The following SWT1 variants were observed in gnomAD, a reference collection of about 807,000 sequenced individuals.
SWT1 encodes the protein SWT1 RNA endoribonuclease homolog, also known as transcriptional protein SWT1.
A neutral mutation model predicts 107.3 loss-of-function variants in SWT1; 33 were observed. That is an observed-to-expected ratio of 0.31 (90% CI 0.23 to 0.41). The LOEUF (loss-of-function observed/expected upper bound fraction) is 0.41, where lower values mean the gene tolerates loss of function less well. Ranked by LOEUF, SWT1 falls within the 10% of genes least tolerant of loss-of-function variation. SWT1 has a pLI of 1.00. For missense variants in SWT1, 898 were observed against 1,028.9 expected (o/e 0.87, Z 1.74); for synonymous variants, 345 against 348.3 (o/e 0.99, Z 0.11).
intron 10 of SWT1, among the ~76,000 whole-genome samples, chr1:185,194,534 G>A (rs1657225717): frequency 6.6e-6 from 1 of 151,138 alleles, no homozygotes; most frequent in South Asian, 2.1e-4. Context: ...TAAGGATATT[G>A]CTGTTGTATA....
Position 185,217,722 on chromosome 1 carries a change from A to G in SWT1, c.2121+3067A>G, listed in dbSNP as rs548682933. Reference sequence around the variant, plus strand: ...GTGATTCTCCTGCCTCAGCCTCCCAAGTAGCTGGGATTACAGGCACGTCCT... The same window carrying G: ...GTGATTCTCCTGCCTCAGCCTCCCAGGTAGCTGGGATTACAGGCACGTCCT... On this transcript the variant is annotated intron_variant, in intron 14 of 18. Transcript: ENST00000367500. Among the ~76,000 whole-genome samples the G allele has an allele frequency of 1.2e-4, 19 of 152,088 alleles. 1 individual carries two copies. The highest frequency in any genetic ancestry group is 9.8e-4 in the Admixed American group (15 of 15,280).
intron 14 of SWT1, among the ~76,000 whole-genome samples, chr1:185,217,482 C>G (rs889267382): frequency 6.6e-6 from 1 of 152,116 alleles, no homozygotes; most frequent in African/African-American, 2.4e-5. Context: ...AATCTAATGC[C>G]TGATGATCTG....
At chr1:185,159,597 G>A (rs1486166104) in intron 1 of SWT1, among the ~76,000 whole-genome samples, 1 of 152,148 alleles carries the variant, frequency 6.6e-6, no homozygotes, top group Non-Finnish European at 1.5e-5. Context: ...TTTTAATACG[G>A]CACACTCAAG....
intron 2 of SWT1, among the ~76,000 whole-genome samples, chr1:185,163,126 G>T (rs1654292196): frequency 6.6e-6 from 1 of 152,114 alleles, no homozygotes; most frequent in South Asian, 2.1e-4. Flanking sequence ...GGGTGCTGTG[G>T]CAGCGTCTTA....
chr1:185,158,500 T>C (rs1389348793), intron 1 of SWT1, among the ~76,000 whole-genome samples: 1 of 150,446 alleles, frequency 6.6e-6, no homozygotes, highest in African/African-American at 2.5e-5. Flanking sequence ...ATAATTCTTG[T>C]TCTCATTTCT....
intron 18 of SWT1, among the ~76,000 whole-genome samples, chr1:185,288,125 GT>G: frequency 6.6e-6 from 1 of 152,282 alleles, no homozygotes; most frequent in East Asian, 1.9e-4. Context: ...CCTTAAGAGT[GT>G]TTCAAAATCA....
At position 185,180,382 on chromosome 1, in the gene SWT1, T is replaced by C; in HGVS notation, c.967-9T>C. 2 of 1,610,806 alleles carry C rather than the reference T, an allele frequency of 1.2e-6. No individual in the cohort carries two copies. Among genetic ancestry groups the C allele is most frequent in the Non-Finnish European group, 1.7e-6 (2 of 1,177,026 alleles). ...TTATTCTTAGCTAATGAAATTACTT[T>C]CATTTCAGAGTTTTGAAGCACCATG... is the stretch of plus-strand genomic sequence containing the variant. On this transcript the variant is annotated splice_polypyrimidine_tract_variant and intron_variant, in intron 5 of 18. Coordinates refer to ENST00000367500, the MANE Select transcript of SWT1 (RefSeq NM_017673.7).
At chr1:185,188,658 G>C (rs1247212021) in intron 9 of SWT1, among the ~76,000 whole-genome samples, 1 of 152,160 alleles carries the variant, frequency 6.6e-6, no homozygotes, top group Admixed American at 6.5e-5. Context: ...TTGCATGAAC[G>C]AATGAGTTTT....
intron 18 of SWT1, among the ~76,000 whole-genome samples, chr1:185,284,916 A>G (rs1664860805): frequency 6.9e-6 from 1 of 145,442 alleles, no homozygotes; most frequent in Admixed American, 6.9e-5. Flanking sequence ...ATGCCAGTGT[A>G]TGCTGTTTTC....
chr1:185,244,273 TTG>T (rs1661449558), intron 16 of SWT1, among the ~76,000 whole-genome samples: 1 of 152,098 alleles, frequency 6.6e-6, no homozygotes, highest in Non-Finnish European at 1.5e-5. Flanking sequence ...ATACATGTTC[TTG>T]TGTGAGCATT....
chr1:185,181,051 C>G (rs1256060022), intron 6 of SWT1, among the ~76,000 whole-genome samples: 1 of 152,154 alleles, frequency 6.6e-6, no homozygotes, highest in African/African-American at 2.4e-5. Flanking sequence ...GTGGAGTACC[C>G]GAGGTCAGGA....
chr1:185,182,874 G>T (rs566894864), intron 7 of SWT1, among the ~76,000 whole-genome samples: 156 of 152,078 alleles, frequency 1.0e-3, no homozygotes, highest in Admixed American at 2.0e-3. Context: ...GGTGGCTCAC[G>T]CCTGTAATCC....
rs528814158 is a variant in SWT1 at position 185,257,365 on chromosome 1, C to A, written c.2442-13958C>A. On this transcript the variant is annotated intron_variant, in intron 16 of 18. Transcript: ENST00000367500. ...CTAAGCAAGCCTGGGCAATGGAGGG[C>A]GCCCCTCCCCCAGCCTCGCTGCCGC... Among the ~76,000 whole-genome samples, 20 of 152,242 alleles carry A rather than the reference C, an allele frequency of 1.3e-4. No homozygotes were observed. In the Middle Eastern group the frequency reaches 0.014, roughly 104 times the overall value.
At chr1:185,262,786 C>CTTTTTTT (rs572086827) in intron 16 of SWT1, among the ~76,000 whole-genome samples, 1 of 135,474 alleles carries the variant, frequency 7.4e-6, no homozygotes, top group African/African-American at 2.7e-5. Context: ...TTTCTTCTTT[C>CTTTTTTT]TTTTTTTTTT....
At chr1:185,157,845 G>T (rs962405243) in intron 1 of SWT1, among the ~76,000 whole-genome samples, 1 of 152,006 alleles carries the variant, frequency 6.6e-6, no homozygotes, top group Admixed American at 6.6e-5. Context: ...ATTTTGATGC[G>T]TTTCAGATCC....
intron 5 of SWT1, among the ~76,000 whole-genome samples, chr1:185,175,526 C>A (rs958566212): frequency 3.3e-4 from 50 of 152,026 alleles, no homozygotes; most frequent in African/African-American, 1.2e-3. Context: ...CTGCACATGG[C>A]CTTTTTAGTT....
intron 9 of SWT1, among the ~76,000 whole-genome samples, chr1:185,188,131 G>A (rs556020283): frequency 2.3e-4 from 35 of 152,084 alleles, no homozygotes; most frequent in Non-Finnish European, 4.4e-4. Context: ...CTAGTAAGTG[G>A]GAAAACAAGG....
chr1:185,276,697 C>G (rs906098409), intron 18 of SWT1, 29 bp downstream of exon 18: 4 of 1,274,762 alleles, frequency 3.1e-6, no homozygotes, highest in Non-Finnish European at 4.4e-6. Context: ...TAGATATAAA[C>G]CATTGTAACA....
chr1:185,259,210 G>A (rs138818452), intron 16 of SWT1, among the ~76,000 whole-genome samples: 70 of 152,198 alleles, frequency 4.6e-4, no homozygotes, highest in African/African-American at 1.7e-3. Context: ...AATTTCGTGT[G>A]CTGCCTTTCT....
Sources: allele counts gnomAD v4.1 joint callset (sites outside exome capture counted in the v4.1 genomes callset), GRCh38; gene constraint gnomAD v4.1.1; transcripts MANE v1.5; gene names NCBI Gene and HGNC (gene_info 2026-07-23, HGNC 2026-07-21).